FBF1: variants seen among roughly 807,000 people sequenced by gnomAD.
FBF1 encodes the protein Fas binding factor 1.
Under a neutral mutation model 147.2 loss-of-function variants are expected in FBF1, and 119 were observed. That is an observed-to-expected ratio of 0.81 (90% CI 0.70 to 0.94). The LOEUF (loss-of-function observed/expected upper bound fraction) is 0.94, where lower values mean the gene tolerates loss of function less well. Ranked by LOEUF, FBF1 falls within the 40% of genes least tolerant of loss-of-function variation. FBF1 has a pLI of 0.00. For synonymous variants in FBF1, 601 were observed against 609.0 expected, an observed-to-expected ratio of 0.99 and a Z score of 0.19; for missense variants, 1,449 against 1,500.8, an observed-to-expected ratio of 0.97 and a Z score of 0.57.
At position 75,923,749 on chromosome 17, in the gene FBF1, C is replaced by T; in HGVS notation, c.969-108G>A. 1.7e-6 allele frequency: 2 copies of T among 1,156,470 alleles called. No homozygotes were observed. Among genetic ancestry groups the T allele is most frequent in the South Asian group, 1.6e-5 (1 of 62,052 alleles). The allele number at this position is 1,156,470 out of a possible 1,614,324, so 71.6% of individuals were successfully genotyped here. A position where few individuals can be genotyped will look rare whatever the true frequency, so the allele number is the denominator to read the frequency against. On this transcript the variant is annotated intron_variant, in intron 13 of 29. Coordinates refer to ENST00000636174, the MANE Select transcript of FBF1 (RefSeq NM_001319193.2). The surrounding 1 kb of genome is among the most constrained non-coding windows in gnomAD (Gnocchi z 4.1). ...ATGCCCAGGGACCCTGCACAGTCAG[C>T]TGAGGCCCAGTGAGCAGTGGCTCCT... is the stretch of plus-strand genomic sequence containing the variant.
rs189663356 is a variant in FBF1 at position 75,922,501 on chromosome 17, C to T, written c.1425-455G>A. ...TCTGTTTTGGCCTGAGCTTTCCCCT[C>T]GGCCTCAGGTCAAAGTCAAAACTGC... On this transcript the variant is annotated intron_variant, in intron 14 of 29. Coordinates refer to ENST00000636174, the MANE Select transcript of FBF1 (RefSeq NM_001319193.2). This position sits in a 1 kb window ranked among gnomAD's most constrained non-coding sequence, Gnocchi z 5.0. 1.8e-4 allele frequency among the ~76,000 whole-genome samples: 28 copies of T among 152,258 alleles called. No individual in the cohort carries two copies. Among genetic ancestry groups the T allele is most frequent in the Admixed American group, 1.7e-3 (26 of 15,294 alleles).
At chr17:75,915,550 C>G (rs2065483516) in intron 23 of FBF1, among the ~76,000 whole-genome samples, 1 of 152,228 alleles carries the variant, frequency 6.6e-6, no homozygotes, top group Admixed American at 6.5e-5. Flanking sequence ...CTTCACTGTG[C>G]CTGACCCCAG....
intron 10 of FBF1, 60 bp downstream of exon 10, chr17:75,926,698 G>T (rs981647030): frequency 6.4e-7 from 1 of 1,565,460 alleles, no homozygotes; most frequent in Non-Finnish European, 8.7e-7. Context: ...AGAAAGGCTG[G>T]TTAGCTTGTT....
intron 28 of FBF1, 62 bp from the exon 29 acceptor site, chr17:75,912,369 G>T: frequency 7.8e-7 from 1 of 1,289,922 alleles, no homozygotes; most frequent in Non-Finnish European, 1.1e-6. Context: ...GGCGGTCACA[G>T]CTTGTTCCTG....
chr17:75,931,732 G>A (rs916630213), intron 5 of FBF1, among the ~76,000 whole-genome samples: 1 of 151,730 alleles, frequency 6.6e-6, no homozygotes, highest in African/African-American at 2.4e-5. Context: ...GCAATGAGCT[G>A]ACATTGCGCC....
At position 75,926,460 on chromosome 17, in the gene FBF1, C is replaced by A. The variant is rs934434052; in HGVS notation, c.596-34G>T. 5 of 1,515,148 alleles carry A rather than the reference C, an allele frequency of 3.3e-6. No homozygotes were observed. The African/African-American group carries it at 6.9e-5, about 21-fold the overall frequency. The allele number at this position is 1,515,148 out of a possible 1,614,324, so 93.9% of individuals were successfully genotyped here. On this transcript the variant is annotated intron_variant, in intron 10 of 29. Coordinates refer to ENST00000636174, the MANE Select transcript of FBF1 (RefSeq NM_001319193.2). The stretch of plus-strand genomic sequence containing the variant: ...CAAAACAAGGCCCAATGCCTGCAGC[C>A]TTCTTGCCCTCAACTGTGATATCTG...
Position 75,918,121 on chromosome 17 carries a change from C to A in FBF1, c.2246+41G>T, listed in dbSNP as rs532599397. On this transcript the variant is annotated intron_variant, in intron 21 of 29. Transcript: ENST00000636174. The surrounding 1 kb of genome is among the most constrained non-coding windows in gnomAD (Gnocchi z 5.8). ...CCTGACGGTCTCGGGGACCTTCCGG[C>A]CCCCAACGTCAGGCGGGCATGGTTG... The A allele has an allele frequency of 3.1e-6, 5 of 1,607,696 alleles. No homozygotes were observed. Among genetic ancestry groups the A allele is most frequent in the Admixed American group, 1.7e-5 (1 of 59,606 alleles).
At chr17:75,917,871 G>A (rs772187613) in intron 22 of FBF1, 21 bp from the exon 23 acceptor site, 2 of 1,537,782 alleles carry the variant, frequency 1.3e-6, no homozygotes, top group Admixed American at 4.0e-5. Context: ...CCCACAGGGT[G>A]CTCAGCAGCT....
chr17:75,922,122 G>A lies in FBF1; in HGVS notation c.1425-76C>T, dbSNP rs764546580. ...CTGGATGAAGACAGGGCCCAGGACG[G>A]GCTTCACACGTGAAGCTCGTGGCCC... On this transcript the variant is annotated intron_variant, in intron 14 of 29. Transcript: ENST00000636174. The surrounding 1 kb of genome is among the most constrained non-coding windows in gnomAD (Gnocchi z 5.0). 1.3e-5 allele frequency: 16 copies of A among 1,268,872 alleles called. No individual in the cohort carries two copies. Among genetic ancestry groups the A allele is most frequent in the South Asian group, 2.6e-5 (2 of 76,160 alleles). The allele number at this position is 1,268,872 out of a possible 1,614,324, so 78.6% of individuals were successfully genotyped here. A position where few individuals can be genotyped will look rare whatever the true frequency, so the allele number is the denominator to read the frequency against.
chr17:75,912,087 G>A, intron 29 of FBF1, 105 bp downstream of exon 29: 1 of 1,101,830 alleles, frequency 9.1e-7, no homozygotes, highest in Non-Finnish European at 1.3e-6. Flanking sequence ...CTCCCCAGGA[G>A]CTGGGGTCAC....
intron 6 of FBF1, 81 bp from the exon 7 acceptor site, chr17:75,930,128 T>A: frequency 8.6e-7 from 1 of 1,159,752 alleles, no homozygotes. Flanking sequence ...CCTGGCCCCT[T>A]GCTTCTGTTA....
intron 17 of FBF1, among the ~76,000 whole-genome samples, chr17:75,920,830 TGG>T (rs34022293): frequency 0.15 from 18,007 of 120,372 alleles, 1,936 homozygotes; most frequent in African/African-American, 0.3. Flanking sequence ...GACACACTCC[TGG>T]GGGGGGGGGG....
In FBF1 at chr17:75,918,250, G is replaced by A. The variant is rs763009577; in HGVS notation, c.2158C>T (p.Arg720Cys). ...ELQRASILDM[R>C]RDHEEQLQRL... ...TGCAGCTGCTCCTCGTGGTCTCTGC[G>A]CATGTCTAGGATGGACGCCCTGAGG... is the stretch of plus-strand genomic sequence containing the variant. The change falls in exon 21 of 30, where the codon CGC (arginine) becomes TGC (cysteine). Residue 720 changes from arginine (R) to cysteine (C), a missense_variant. By Grantham distance (180) the Arg-to-Cys change is radical. Coordinates refer to ENST00000636174, the MANE Select transcript of FBF1 (RefSeq NM_001319193.2). The surrounding 1 kb of genome is among the most constrained non-coding windows in gnomAD (Gnocchi z 5.8). 8.1e-6 allele frequency: 13 copies of A among 1,613,278 alleles called. No homozygotes were observed. The highest frequency in any genetic ancestry group is 1.1e-5 in the South Asian group (1 of 91,058).
intron 25 of FBF1, 48 bp downstream of exon 25, chr17:75,914,699 G>A (rs577743025): frequency 1.4e-6 from 2 of 1,472,520 alleles, no homozygotes; most frequent in Admixed American, 2.5e-5. Flanking sequence ...AGATGGAGGG[G>A]CGCAGGCAAC....
chr17:75,939,199 G>C (rs531063906), intron 1 of FBF1, among the ~76,000 whole-genome samples: 68 of 151,622 alleles, frequency 4.5e-4, no homozygotes, highest in African/African-American at 1.6e-3. Context: ...AGGAGGCTGA[G>C]GCAGGAGACT....
In FBF1 at chr17:75,923,054, G is replaced by T; in HGVS notation, c.1424+132C>A. The T allele has an allele frequency of 1.1e-6, 1 of 881,830 alleles. No homozygotes were observed. Among genetic ancestry groups the T allele is most frequent in the Non-Finnish European group, 1.7e-6 (1 of 582,470 alleles). The allele number at this position is 881,830 out of a possible 1,614,324, so 54.6% of individuals were successfully genotyped here. On this transcript the variant is annotated intron_variant, in intron 14 of 29. Coordinates refer to ENST00000636174, the MANE Select transcript of FBF1 (RefSeq NM_001319193.2). The surrounding 1 kb of genome is among the most constrained non-coding windows in gnomAD (Gnocchi z 4.1). ...GGCAGAGTAGCAAAGCCAAGAAGCG[G>T]CCTCTGTGGCCACGGCGCCCTGCCT...
In FBF1 at chr17:75,914,030, C is replaced by T; in HGVS notation, c.3012G>A (p.Glu1004=). 1 of 1,587,944 alleles carries T rather than the reference C, an allele frequency of 6.3e-7. No individual in the cohort carries two copies. The highest frequency in any genetic ancestry group is 1.1e-5 in the South Asian group (1 of 88,524). ...CCTCGCGCAATGCCCGCTCCCCCTC[C>T]TCGTACTTCTCGGAGGCCACCTGCA... is the stretch of plus-strand genomic sequence containing the variant. ...SMSKVASEKY[E]EGERALREAQ... Residue 1004 remains glutamate, a synonymous_variant, in exon 27 of 30, where the codon GAG becomes GAA. Transcript: ENST00000636174.
At chr17:75,929,964 C>CCCCTCCCAAAAA in intron 7 of FBF1, 33 bp downstream of exon 7, 1 of 1,402,202 alleles carries the variant, frequency 7.1e-7, no homozygotes. Flanking sequence ...CACCCACCCC[C>CCCCTCCCAAAAA]AGTTCTAAGA....
rs368611088 is a variant in FBF1, at chr17:75,938,199, C to G, written c.-50G>C. Reference sequence around the variant, plus strand: ...AGCTCCTTCACAGCACTGGCCAGCTCATCTGGATTCTGCCCACATCAGGCT... The same window carrying G: ...AGCTCCTTCACAGCACTGGCCAGCTGATCTGGATTCTGCCCACATCAGGCT... On this transcript the variant is annotated 5_prime_UTR_variant, in exon 2 of 30. The change abolishes an upstream ATG in the 5' untranslated region. Transcript: ENST00000636174. 15 of 1,612,828 alleles carry G rather than the reference C, an allele frequency of 9.3e-6. No homozygotes were observed. The African/African-American group carries it at 2.0e-4, about 22-fold the overall frequency.
Sources: gnomAD v4.1 joint callset for allele counts (sites outside exome capture counted in the v4.1 genomes callset) on GRCh38, gnomAD v4.1.1 for gene constraint, Gnocchi (gnomAD v3.1) non-coding constraint, MANE v1.5 for transcripts, NCBI Gene and HGNC (gene_info 2026-07-23, HGNC 2026-07-21) for gene names.